Variants in SHLD1 observed in about 807,000 individuals in gnomAD.
The protein encoded by SHLD1 is RINN1-REV7-interacting novel NHEJ regulator 3.
SHLD1 carries 3 observed loss-of-function variants against 5.5 expected under a neutral mutation model. That is an observed-to-expected ratio of 0.54 (90% CI 0.25 to 1.40). The LOEUF (loss-of-function observed/expected upper bound fraction) is 1.40. Among genes scored for constraint, SHLD1 ranks in the 40% most tolerant of loss-of-function variants. SHLD1 has a pLI of 0.15. For missense variants in SHLD1, 210 were observed against 244.4 expected, an observed-to-expected ratio of 0.86 and a Z score of 0.94; for synonymous variants, 92 against 94.3, an observed-to-expected ratio of 0.98 and a Z score of 0.14.
At chr20:5,784,671 C>G (rs1029591039) in intron 2 of SHLD1, among the ~76,000 whole-genome samples, 1 of 151,934 alleles carries the variant, frequency 6.6e-6, no homozygotes, top group Non-Finnish European at 1.5e-5. Flanking sequence ...AGGTTGGTCT[C>G]GATCGCCTGA....
intron 2 of SHLD1, among the ~76,000 whole-genome samples, chr20:5,830,108 A>G (rs954065503): frequency 1.3e-5 from 2 of 152,158 alleles, no homozygotes; most frequent in African/African-American, 4.8e-5. Context: ...GCATACATAG[A>G]CAGTTCTACT....
chr20:5,751,897 G>A (rs1202501772), intron 1 of SHLD1, among the ~76,000 whole-genome samples: 1 of 152,192 alleles, frequency 6.6e-6, no homozygotes, highest in Non-Finnish European at 1.5e-5. Flanking sequence ...AGGTGGATAT[G>A]TCCAAGGGTG....
At chr20:5,755,643 T>G (rs961085422) in intron 1 of SHLD1, among the ~76,000 whole-genome samples, 4 of 151,824 alleles carry the variant, frequency 2.6e-5, no homozygotes, top group Admixed American at 6.6e-5. Flanking sequence ...CACCACAACC[T>G]CCGCCTCCCA....
chr20:5,764,190 A>ATATATAT (rs1984683317), intron 1 of SHLD1, among the ~76,000 whole-genome samples: 12 of 52,648 alleles, frequency 2.3e-4, no homozygotes, highest in African/African-American at 8.6e-4. Flanking sequence ...ATATATATAT[A>ATATATAT]TTTTATATAT....
intron 1 of SHLD1, among the ~76,000 whole-genome samples, chr20:5,761,394 C>T (rs916610110): frequency 2.7e-5 from 4 of 149,862 alleles, no homozygotes; most frequent in Non-Finnish European, 5.9e-5. Context: ...GCACCTTCTG[C>T]ACATGTATCC....
chr20:5,767,326 A>C (rs1984894352), intron 1 of SHLD1, among the ~76,000 whole-genome samples: 1 of 151,898 alleles, frequency 6.6e-6, no homozygotes, highest in South Asian at 2.1e-4. Flanking sequence ...TTTTTAATAG[A>C]TACAAGGTCT....
intron 2 of SHLD1, among the ~76,000 whole-genome samples, chr20:5,813,945 CTTTTTT>C (rs143110037): frequency 1.9e-3 from 150 of 79,990 alleles, no homozygotes; most frequent in African/African-American, 6.5e-3. Flanking sequence ...CCTTTTCTTT[CTTTTTT>C]TTTTTTTTTT....
At chr20:5,794,483 G>C (rs2087184115) in intron 2 of SHLD1, among the ~76,000 whole-genome samples, 1 of 152,152 alleles carries the variant, frequency 6.6e-6, no homozygotes, top group African/African-American at 2.4e-5. Context: ...CTGACCAAAA[G>C]TATCTATAGA....
chr20:5,812,069 C>CT (rs1037236061), intron 2 of SHLD1, among the ~76,000 whole-genome samples: 30 of 136,572 alleles, frequency 2.2e-4, no homozygotes, highest in East Asian at 4.2e-4. Context: ...TTTTCTTTTT[C>CT]TTTTTTTTTT....
At chr20:5,773,249 C>G (rs1985271260) in intron 2 of SHLD1, 1 of 688,080 alleles carries the variant, frequency 1.5e-6, no homozygotes, top group African/African-American at 1.8e-5. Context: ...GAGCTGTTTC[C>G]TGGATGTCTT....
chr20:5,752,081 GAAT>G (rs1222334101), intron 1 of SHLD1, among the ~76,000 whole-genome samples: 1 of 152,150 alleles, frequency 6.6e-6, no homozygotes, highest in Non-Finnish European at 1.5e-5. Context: ...CAGCCTCAGA[GAAT>G]AGATGGGCTA....
intron 2 of SHLD1, among the ~76,000 whole-genome samples, chr20:5,804,350 A>C (rs886758020): frequency 1.5e-5 from 2 of 137,622 alleles, no homozygotes; most frequent in Admixed American, 6.9e-5. Context: ...GCAAAAAAAA[A>C]CTATATATAT....
chr20:5,793,228 C>T (rs950159188), intron 2 of SHLD1, among the ~76,000 whole-genome samples: 4 of 151,852 alleles, frequency 2.6e-5, no homozygotes, highest in Non-Finnish European at 4.4e-5. Context: ...TTTTTTTCCT[C>T]GGAATTGTTT....
chr20:5,827,941 G>A (rs2087685544), intron 2 of SHLD1, among the ~76,000 whole-genome samples: 1 of 152,116 alleles, frequency 6.6e-6, no homozygotes, highest in South Asian at 2.1e-4. Context: ...ATTCCTTTGT[G>A]GTACCTCCAA....
At chr20:5,850,974 T>G (rs2088001327) in intron 2 of SHLD1, among the ~76,000 whole-genome samples, 1 of 152,196 alleles carries the variant, frequency 6.6e-6, no homozygotes, top group Admixed American at 6.5e-5. Context: ...GGTCCTTGCT[T>G]CTTTGCAGGA....
rs182976751 is a variant in SHLD1, at chr20:5,822,693, C to T, written c.179-40331C>T. Among the ~76,000 whole-genome samples, 325 of 151,952 alleles carry T rather than the reference C, an allele frequency of 2.1e-3. 3 individuals are homozygous for T. Among genetic ancestry groups the T allele is most frequent in the African/African-American group, 7.6e-3 (314 of 41,398 alleles). The stretch of plus-strand genomic sequence containing the variant: ...AAGGCCAGCCCCTCCACTTAATCTT[C>T]ATCTCCTCTCTCCTAGTCATGGACT... On this transcript the variant is annotated intron_variant, in intron 2 of 2. Transcript: ENST00000303142.
At chr20:5,821,722 C>T (rs1464095856) in intron 2 of SHLD1, among the ~76,000 whole-genome samples, 2 of 152,156 alleles carry the variant, frequency 1.3e-5, no homozygotes, top group Non-Finnish European at 2.9e-5. Flanking sequence ...CAAGTGAAAC[C>T]TTCCCTGGAG....
chr20:5,848,026 G>A (rs188685869), intron 2 of SHLD1, among the ~76,000 whole-genome samples: 163 of 152,224 alleles, frequency 1.1e-3, no homozygotes, highest in African/African-American at 3.9e-3. Flanking sequence ...AAATAATGTA[G>A]CATGTTCCTA....
At chr20:5,774,915 C>T (rs565509212) in intron 2 of SHLD1, among the ~76,000 whole-genome samples, 2 of 152,000 alleles carry the variant, frequency 1.3e-5, no homozygotes, top group African/African-American at 4.8e-5. Flanking sequence ...CCCTTTTTTC[C>T]CTGCCATCCT....
Sources: allele counts gnomAD v4.1 joint callset (sites outside exome capture counted in the v4.1 genomes callset), GRCh38; gene constraint gnomAD v4.1.1; transcripts MANE v1.5; gene names NCBI Gene and HGNC (gene_info 2026-07-23, HGNC 2026-07-21).